CHCHD3: variants seen among roughly 807,000 people sequenced by gnomAD.
The protein encoded by CHCHD3 is coiled-coil-helix-coiled-coil-helix domain containing 3, also known as MICOS complex subunit MIC19.
CHCHD3 carries 20 observed loss-of-function variants against 38.2 expected under a neutral mutation model. That is an observed-to-expected ratio of 0.52 (90% CI 0.37 to 0.76). CHCHD3 has a LOEUF of 0.76. Ranked by LOEUF, CHCHD3 falls within the 30% of genes least tolerant of loss-of-function variation. CHCHD3 has a pLI of 0.00. For synonymous variants in CHCHD3, 82 were observed against 100.0 expected, an observed-to-expected ratio of 0.82 and a Z score of 1.07; for missense variants, 245 against 279.2, an observed-to-expected ratio of 0.88 and a Z score of 0.87.
At chr7:132,954,860 C>A (rs529126965) in intron 4 of CHCHD3, among the ~76,000 whole-genome samples, 1 of 152,254 alleles carries the variant, frequency 6.6e-6, no homozygotes, top group South Asian at 2.1e-4. Flanking sequence ...TGGTCCTACT[C>A]AGATAAAGCA....
intron 4 of CHCHD3, among the ~76,000 whole-genome samples, chr7:132,891,418 T>C (rs1235876371): frequency 1.3e-5 from 2 of 152,184 alleles, no homozygotes; most frequent in Non-Finnish European, 2.9e-5. Context: ...CCACTAACAC[T>C]ATAACACCTA....
chr7:132,986,383 C>A, intron 3 of CHCHD3, among the ~76,000 whole-genome samples: 1 of 125,202 alleles, frequency 8.0e-6, no homozygotes, highest in Non-Finnish European at 1.7e-5. Flanking sequence ...GAGAAACACC[C>A]AAGAATGATC....
At chr7:132,909,179 G>A (rs895643470) in intron 4 of CHCHD3, among the ~76,000 whole-genome samples, 1 of 152,110 alleles carries the variant, frequency 6.6e-6, no homozygotes, top group Non-Finnish European at 1.5e-5. Flanking sequence ...GCAGAACTGT[G>A]AGTCAATTAA....
chr7:133,057,907 A>G (rs1042579537), intron 2 of CHCHD3, among the ~76,000 whole-genome samples: 1 of 152,190 alleles, frequency 6.6e-6, no homozygotes, highest in Non-Finnish European at 1.5e-5. Context: ...CAGGATTATA[A>G]CTTCCCATAA....
intron 5 of CHCHD3, among the ~76,000 whole-genome samples, chr7:132,853,552 G>T (rs1808269723): frequency 6.6e-6 from 1 of 152,152 alleles, no homozygotes. Context: ...GACCTGGGAG[G>T]CGGAGGTTGT....
intron 7 of CHCHD3, among the ~76,000 whole-genome samples, chr7:132,792,030 C>T (rs1331540842): frequency 1.3e-5 from 2 of 152,168 alleles, no homozygotes; most frequent in African/African-American, 2.4e-5. Context: ...CTGACTGAAA[C>T]TTCTGCTATG....
chr7:133,059,245 T>C (rs1406924609), intron 2 of CHCHD3, among the ~76,000 whole-genome samples: 2 of 152,120 alleles, frequency 1.3e-5, no homozygotes, highest in African/African-American at 4.8e-5. Context: ...CCCAGAGTTT[T>C]GACAACAGGA....
chr7:132,942,096 G>C (rs1810781444), intron 4 of CHCHD3, among the ~76,000 whole-genome samples: 1 of 152,046 alleles, frequency 6.6e-6, no homozygotes, highest in South Asian at 2.1e-4. Flanking sequence ...ATCCCTGCTG[G>C]GTCCCTATAC....
chr7:133,001,371 T>C (rs550228057), intron 3 of CHCHD3, among the ~76,000 whole-genome samples: 5 of 152,312 alleles, frequency 3.3e-5, no homozygotes, highest in African/African-American at 1.2e-4. Flanking sequence ...GCAGAGATCC[T>C]TGGATTTTTA....
At chr7:133,019,561 T>C (rs1813125235) in intron 3 of CHCHD3, among the ~76,000 whole-genome samples, 1 of 152,216 alleles carries the variant, frequency 6.6e-6, no homozygotes, top group Admixed American at 6.5e-5. Flanking sequence ...GATAGATTAT[T>C]TGAAGTCTTA....
intron 3 of CHCHD3, among the ~76,000 whole-genome samples, chr7:133,024,140 C>T (rs776045860): frequency 1.1e-4 from 17 of 152,054 alleles, no homozygotes; most frequent in Admixed American, 3.3e-4. Flanking sequence ...TTTGTTAATC[C>T]GGGCACTATG....
chr7:133,052,340 G>A (rs1207969620), intron 2 of CHCHD3, among the ~76,000 whole-genome samples: 2 of 152,178 alleles, frequency 1.3e-5, no homozygotes, highest in Non-Finnish European at 2.9e-5. Flanking sequence ...TAGTGGAGGA[G>A]AGGAATGCAA....
intron 4 of CHCHD3, among the ~76,000 whole-genome samples, chr7:132,943,082 C>T (rs1015947040): frequency 1.3e-5 from 2 of 152,096 alleles, no homozygotes; most frequent in Admixed American, 1.3e-4. Context: ...AAGAAATAGA[C>T]CTTTTCATGA....
At chr7:132,867,313 G>T (rs182761225) in intron 5 of CHCHD3, among the ~76,000 whole-genome samples, 1 of 152,138 alleles carries the variant, frequency 6.6e-6, no homozygotes, top group East Asian at 1.9e-4. Flanking sequence ...AGAAACAAGG[G>T]TATTAAATTA....
intron 3 of CHCHD3, among the ~76,000 whole-genome samples, chr7:132,981,054 C>T (rs185286106): frequency 6.6e-6 from 1 of 152,150 alleles, no homozygotes; most frequent in Admixed American, 6.5e-5. Flanking sequence ...GGCATGATCT[C>T]GGCTCACTGC....
intron 2 of CHCHD3, among the ~76,000 whole-genome samples, chr7:133,031,466 T>A (rs529428307): frequency 6.6e-6 from 1 of 152,196 alleles, no homozygotes. Context: ...ATTTCCTTTG[T>A]AACTTTTCCC....
chr7:132,885,861 A>G (rs1662659879), intron 4 of CHCHD3, 116 bp from the exon 5 acceptor site: 1 of 614,348 alleles, frequency 1.6e-6, no homozygotes, highest in Non-Finnish European at 2.7e-6. Flanking sequence ...TTTGCAATCT[A>G]TTAGGTCTCT....
intron 6 of CHCHD3, among the ~76,000 whole-genome samples, chr7:132,817,047 G>C (rs1478991519): frequency 6.6e-6 from 1 of 152,184 alleles, no homozygotes; most frequent in Non-Finnish European, 1.5e-5. Context: ...TGTCTTCTCT[G>C]TCTTTACCTG....
At chr7:133,048,997 C>A (rs1436968959) in intron 2 of CHCHD3, among the ~76,000 whole-genome samples, 1 of 152,312 alleles carries the variant, frequency 6.6e-6, no homozygotes, top group South Asian at 2.1e-4. Flanking sequence ...AATTCCATAA[C>A]CTCTTATTTT....
Sources: allele counts gnomAD v4.1 joint callset (sites outside exome capture counted in the v4.1 genomes callset), GRCh38; gene constraint gnomAD v4.1.1; transcripts MANE v1.5; gene names NCBI Gene and HGNC (gene_info 2026-07-23, HGNC 2026-07-21).